KLC2: variants seen among roughly 807,000 people sequenced by gnomAD.
The protein encoded by KLC2 is kinesin light chain 2.
KLC2 carries 35 observed loss-of-function variants against 75.1 expected under a neutral mutation model. The observed-to-expected ratio is 0.47, with a 90% CI of 0.36 to 0.62. The LOEUF is 0.62. Ranked by LOEUF, KLC2 falls within the 20% of genes least tolerant of loss-of-function variation. The pLI is 0.00. For synonymous variants in KLC2, 314 were observed against 336.7 expected (o/e 0.93, Z 0.74); for missense variants, 611 against 833.2 (o/e 0.73, Z 3.28).
intron 9 of KLC2, 44 bp from the exon 10 acceptor site, chr11:66,264,979 A>G: frequency 6.2e-7 from 1 of 1,600,898 alleles, no homozygotes; most frequent in Non-Finnish European, 8.5e-7. Flanking sequence ...CAACCAGGTG[A>G]GACCTATATG....
chr11:66,257,624 A>G (rs1856094075), upstream of KLC2: 1 of 152,140 alleles, frequency 6.6e-6, no homozygotes, highest in African/African-American at 2.4e-5. Context: ...CCCCGCCTCG[A>G]TGGCCCCGCC....
rs1211406762 is a variant in KLC2 at position 66,262,106 on chromosome 11, C to A, written c.460-17C>A. The A allele has an allele frequency of 1.9e-6, 3 of 1,612,144 alleles. No homozygotes were observed. The highest frequency in any genetic ancestry group is 8.5e-7 in the Non-Finnish European group (1 of 1,178,930). On this transcript the variant is annotated splice_polypyrimidine_tract_variant and intron_variant, in intron 3 of 15. Transcript: ENST00000394067. ...CTGTGCCTCCTTCCCTGATGCTCAT[C>A]CTGTCTTCCTTCCCAGGAGGAGAAG...
At chr11:66,260,105 T>C (rs1856286893) in intron 2 of KLC2, among the ~76,000 whole-genome samples, 1 of 152,178 alleles carries the variant, frequency 6.6e-6, no homozygotes, top group Non-Finnish European at 1.5e-5. Context: ...TCATTTTGGT[T>C]TCCTTGTCTT....
intron 2 of KLC2, among the ~76,000 whole-genome samples, chr11:66,260,007 T>C (rs899987121): frequency 2.6e-5 from 4 of 152,190 alleles, no homozygotes; most frequent in South Asian, 2.1e-4. Flanking sequence ...CCAGGAGCCA[T>C]TGGGATGTAC....
At chr11:66,263,162 TA>T in intron 5 of KLC2, 126 bp downstream of exon 5, 1 of 666,806 alleles carries the variant, frequency 1.5e-6, no homozygotes, top group East Asian at 2.7e-5. Context: ...CAGATGCAAG[TA>T]AAACTGTCTA....
chr11:66,260,600 T>C (rs1291903714), intron 2 of KLC2, among the ~76,000 whole-genome samples: 1 of 151,462 alleles, frequency 6.6e-6, no homozygotes, highest in African/African-American at 2.4e-5. Context: ...CAAAAAATAA[T>C]TTTTCTTTTT....
chr11:66,252,317 G>A (rs560332815), upstream of KLC2, among the ~76,000 whole-genome samples: 4 of 152,190 alleles, frequency 2.6e-5, no homozygotes, highest in Admixed American at 6.5e-5. Flanking sequence ...ACAGAGTCTC[G>A]CTCTGTCCCC....
At chr11:66,266,803 C>A (rs557324193) in intron 15 of KLC2, 70 bp from the exon 16 acceptor site, 2 of 1,515,284 alleles carry the variant, frequency 1.3e-6, no homozygotes, top group Admixed American at 1.7e-5. Context: ...CCAGGTCAGA[C>A]CCCTTCAGGC....
chr11:66,265,757 C>A lies in KLC2; in HGVS notation c.1437C>A (p.Arg479=), dbSNP rs771042978. The change falls in exon 12 of 16, where the codon CGC becomes CGA. Residue 479 remains arginine (R), a synonymous_variant. Transcript: ENST00000394067. ...HTLEDCASRN[R]KQGLDPASQT... is the part of the protein sequence containing the mutation. ...TAGAGGACTGTGCCAGCCGTAACCG[C>A]AAGCAGGTGGGGCTCCATGCAGGAG... The A allele has an allele frequency of 6.2e-7, 1 of 1,613,530 alleles. No homozygotes were observed. Among genetic ancestry groups the A allele is most frequent in the Non-Finnish European group, 8.5e-7 (1 of 1,179,680 alleles).
intron 9 of KLC2, chr11:66,264,753 C>G (rs1289244979): frequency 3.4e-6 from 2 of 585,634 alleles, no homozygotes; most frequent in South Asian, 2.1e-5. Context: ...ACCTCTGGCC[C>G]CGGATGGTCA....
chr11:66,252,515 G>A (rs902419821), upstream of KLC2, among the ~76,000 whole-genome samples: 8 of 128,996 alleles, frequency 6.2e-5, no homozygotes, highest in East Asian at 2.0e-4. Context: ...CCCCCGCCTC[G>A]GCCTCCCAAA....
chr11:66,264,593 T>C (rs1856682844), intron 9 of KLC2, 149 bp downstream of exon 9: 7 of 676,388 alleles, frequency 1.0e-5, no homozygotes, highest in East Asian at 2.7e-5. Flanking sequence ...CCCAGCCACC[T>C]GTGCTCACGT....
chr11:66,255,593 GA>G (rs778481235), upstream of KLC2, among the ~76,000 whole-genome samples: 18 of 152,250 alleles, frequency 1.2e-4, no homozygotes, highest in South Asian at 1.0e-3. Context: ...GAGGAAAATT[GA>G]CCAGCTGAAA....
chr11:66,265,448 G>A (rs1428760820), intron 11 of KLC2: 1 of 666,452 alleles, frequency 1.5e-6, no homozygotes, highest in Non-Finnish European at 2.6e-6. Context: ...AACATCCCAT[G>A]AGGGCCCTGG....
Position 66,262,117 on chromosome 11 carries a change from T to C in KLC2, c.460-6T>C, listed in dbSNP as rs199947030. 179 of 1,612,952 alleles carry C rather than the reference T, an allele frequency of 1.1e-4. 2 individuals are homozygous for C. Among genetic ancestry groups the C allele is most frequent in the Middle Eastern group, 1.8e-4 (1 of 5,576 alleles). ...TCCCTGATGCTCATCCTGTCTTCCTTCCCAGGAGGAGAAGGGGGACGTCCC... is the reference window on the plus strand; with the variant it reads ...TCCCTGATGCTCATCCTGTCTTCCTCCCCAGGAGGAGAAGGGGGACGTCCC... On this transcript the variant is annotated splice_polypyrimidine_tract_variant and splice_region_variant and intron_variant, in intron 3 of 15. Transcript: ENST00000394067.
At chr11:66,261,631 TA>T in intron 2 of KLC2, 110 bp from the exon 3 acceptor site, 1 of 649,496 alleles carries the variant, frequency 1.5e-6, no homozygotes, top group Non-Finnish European at 2.7e-6. Flanking sequence ...CTCCTCACTG[TA>T]GGGCCAGGCC....
At chr11:66,265,341 G>A (rs1029602494) in intron 11 of KLC2, 106 bp downstream of exon 11, 8 of 996,628 alleles carry the variant, frequency 8.0e-6, no homozygotes, top group Non-Finnish European at 1.2e-5. Flanking sequence ...ATCTGGCAAG[G>A]CCCAACTCAC....
intron 1 of KLC2, 176 bp downstream of exon 1, chr11:66,258,047 G>C (rs1856126905): frequency 6.5e-6 from 1 of 153,450 alleles, no homozygotes; most frequent in Non-Finnish European, 1.5e-5. Context: ...CCTTTTCAGG[G>C]AAGGCCTCAG....
At chr11:66,255,687 G>A (rs1856003555), upstream of KLC2, among the ~76,000 whole-genome samples, 1 of 151,856 alleles carries the variant, frequency 6.6e-6, no homozygotes, top group South Asian at 2.1e-4. Flanking sequence ...TGCTTCCGGA[G>A]AGGGGGGCTG....
Sources: allele counts gnomAD v4.1 joint callset (sites outside exome capture counted in the v4.1 genomes callset), GRCh38; gene constraint gnomAD v4.1.1; transcripts MANE v1.5; gene names NCBI Gene and HGNC (gene_info 2026-07-23, HGNC 2026-07-21).